The following HK1 variants were observed in gnomAD, a reference collection of about 807,000 sequenced individuals.
HK1 encodes the protein hexokinase-1.
A neutral mutation model predicts 91.6 loss-of-function variants in HK1; 28 were observed. The ratio of observed to expected loss-of-function variants is 0.31; its 90% confidence interval spans 0.23 to 0.42. The LOEUF (loss-of-function observed/expected upper bound fraction) is 0.42. Among genes scored for constraint, HK1 ranks in the 10% least tolerant of loss-of-function variants. HK1 has a pLI of 1.00. For synonymous variants in HK1, 430 were observed against 468.1 expected, an observed-to-expected ratio of 0.92 and a Z score of 1.05; for missense variants, 770 against 1,219.8, an observed-to-expected ratio of 0.63 and a Z score of 5.49.
At chr10:69,328,525 C>G (rs181006060) in intron 1 of HK1, among the ~76,000 whole-genome samples, 6 of 152,334 alleles carry the variant, frequency 3.9e-5, no homozygotes, top group Admixed American at 2.6e-4. Context: ...ATCCCCACAA[C>G]GCCCTTGTGA....
intron 5 of HK1, among the ~76,000 whole-genome samples, chr10:69,302,678 C>T (rs1437696399): frequency 1.3e-5 from 2 of 150,238 alleles, no homozygotes; most frequent in African/African-American, 4.9e-5. Context: ...TCACTTGGGC[C>T]CTGGAAGGTC....
Position 69,344,636 on chromosome 10 carries a change from G to A in HK1, c.226+647G>A, listed in dbSNP as rs115613757. 9.8e-5 allele frequency among the ~76,000 whole-genome samples: 15 copies of A among 152,330 alleles called. No homozygotes were observed. The South Asian group carries it at 3.1e-3, about 32-fold the overall frequency. On this transcript the variant is annotated intron_variant, in intron 2 of 17. Coordinates refer to ENST00000359426, the MANE Select transcript of HK1 (RefSeq NM_000188.3). ...GCTCATACCCTGCAGTGGGGCGTTG[G>A]GGGAGGGCCCCCTGAGGATTGTCTG... is the stretch of plus-strand genomic sequence containing the variant.
chr10:69,360,384 T>C (rs1189392931), intron 3 of HK1, among the ~76,000 whole-genome samples: 4 of 152,094 alleles, frequency 2.6e-5, no homozygotes, highest in Admixed American at 2.6e-4. Flanking sequence ...CCAGTGCAGG[T>C]TTAGCAGAGC....
Position 69,306,283 on chromosome 10 carries a change from G to T in HK1, c.27+5422G>T, listed in dbSNP as rs575492969. ...TGAGGCAGGAGAATGGTGTGAATCC[G>T]GGAGGTGGAGCTTGCAGTGAGCTGA... On this transcript the variant is annotated intron_variant, in intron 5 of 21. Transcript: ENST00000360289. Among the ~76,000 whole-genome samples the T allele has an allele frequency of 1.7e-4, 26 of 152,166 alleles. 1 individual carries two copies. In the South Asian group the frequency reaches 3.7e-3, roughly 22 times the overall value.
intron 15 of HK1, 123 bp downstream of exon 15, chr10:69,392,431 G>A (rs1301960766): frequency 1.9e-5 from 19 of 1,022,462 alleles, no homozygotes; most frequent in Non-Finnish European, 7.5e-6. Context: ...TTCAAGACTG[G>A]ACCCCCTGGC....
intron 3 of HK1, among the ~76,000 whole-genome samples, chr10:69,293,868 T>A (rs1845413924): frequency 6.9e-6 from 1 of 145,858 alleles, no homozygotes; most frequent in Non-Finnish European, 1.5e-5. Flanking sequence ...TTTTTTTTTT[T>A]TTTTTTTTTT....
At chr10:69,323,017 G>T (rs184981622) in intron 1 of HK1, among the ~76,000 whole-genome samples, 2 of 152,280 alleles carry the variant, frequency 1.3e-5, no homozygotes, top group Admixed American at 1.3e-4. Flanking sequence ...GGAGGCTGAG[G>T]CAGGTGAATC....
At chr10:69,292,819 G>C (rs562349178) in intron 3 of HK1, among the ~76,000 whole-genome samples, 23 of 152,266 alleles carry the variant, frequency 1.5e-4, no homozygotes, top group Non-Finnish European at 2.6e-4. Flanking sequence ...TCTCCAAGTT[G>C]AGAGCAGAGT....
At chr10:69,377,479 CACCTCCCACTTCCAGTCTGGAG>C (rs1839175971) in intron 8 of HK1, among the ~76,000 whole-genome samples, 1 of 151,862 alleles carries the variant, frequency 6.6e-6, no homozygotes, top group African/African-American at 2.4e-5. Flanking sequence ...TTTGGAATTC[CACCTCCCACTTCCAGTCTGGAG>C]ACCTCCAGAC....
intron 2 of HK1, among the ~76,000 whole-genome samples, chr10:69,351,547 A>T (rs1027140261): frequency 1.3e-5 from 2 of 151,990 alleles, no homozygotes; most frequent in Admixed American, 6.6e-5. Flanking sequence ...AAAACAAAAA[A>T]ACCCAAAGCT....
At chr10:69,312,361 T>G (rs960317654), upstream of HK1, among the ~76,000 whole-genome samples, 1 of 152,084 alleles carries the variant, frequency 6.6e-6, no homozygotes, top group East Asian at 1.9e-4. Context: ...CTAAGCCTCC[T>G]GAGTAGCTGG....
chr10:69,390,385 TACTTCATAGC>T (rs1322092816), intron 14 of HK1, among the ~76,000 whole-genome samples: 1 of 13,888 alleles, frequency 7.2e-5, no homozygotes, highest in African/African-American at 4.7e-4. Context: ...ATTTCATAGC[TACTTCATAGC>T]TACTTTTTCT....
rs1325606143 is a variant in HK1 at position 69,377,142 on chromosome 10, A to C, written c.1031+53A>C. On this transcript the variant is annotated intron_variant, in intron 8 of 17. Coordinates refer to ENST00000359426, the MANE Select transcript of HK1 (RefSeq NM_000188.3). ...TGGGGTGTTGGGGCAGAGAAGAGCA[A>C]TTGGTCCCTTGTTACTTCTTGAGTC... 3 of 1,604,956 alleles carry C rather than the reference A, an allele frequency of 1.9e-6. No homozygotes were observed. The African/African-American group carries it at 4.0e-5, about 21-fold the overall frequency.
At position 69,276,118 on chromosome 10, in the gene HK1, A is replaced by AAATATATATATATATAT; in HGVS notation, c.-391+6011_-391+6012insATATATATATATATATA. Among the ~76,000 whole-genome samples the AAATATATATATATATAT allele has an allele frequency of 1.9e-3, 71 of 38,254 alleles. 9 individuals carry two copies. Among genetic ancestry groups the AAATATATATATATATAT allele is most frequent in the Non-Finnish European group, 2.7e-3 (53 of 19,624 alleles). The allele number at this position is 38,254 out of a possible 152,430, so 25.1% of individuals were successfully genotyped here. A position where few individuals can be genotyped will look rare whatever the true frequency, so the allele number is the denominator to read the frequency against. On this transcript the variant is annotated intron_variant, in intron 1 of 21. Transcript: ENST00000360289. ...AAAAAAAAAAAAAAAAAAAAAAAAA[A>AAATATATATATATATAT]ATACATATATATATATATATACACA...
intron 2 of HK1, among the ~76,000 whole-genome samples, chr10:69,354,850 C>A (rs1008284409): frequency 1.3e-4 from 20 of 152,142 alleles, no homozygotes; most frequent in African/African-American, 4.1e-4. Context: ...GGTGGATCAC[C>A]TGTGGTCAGG....
chr10:69,383,432 G>A (rs1233804401), intron 10 of HK1, among the ~76,000 whole-genome samples: 1 of 152,232 alleles, frequency 6.6e-6, no homozygotes, highest in Non-Finnish European at 1.5e-5. Context: ...AATCTGAAGA[G>A]CTTTTCAGGT....
At chr10:69,384,724 C>T (rs995554793) in intron 11 of HK1, 72 bp from the exon 12 acceptor site, 32 of 1,599,826 alleles carry the variant, frequency 2.0e-5, no homozygotes, top group Admixed American at 3.3e-5. Context: ...TGTGTATACA[C>T]ACTTTGGTCC....
chr10:69,355,732 C>T (rs7067730), intron 2 of HK1, among the ~76,000 whole-genome samples: 37,567 of 152,032 alleles, frequency 0.25, 5,479 homozygotes, highest in South Asian at 0.33. Context: ...GTGGAGGTTG[C>T]AGTGAGCCGA....
At chr10:69,390,452 T>C (rs374837671) in intron 14 of HK1, among the ~76,000 whole-genome samples, 4 of 152,242 alleles carry the variant, frequency 2.6e-5, no homozygotes, top group Admixed American at 1.3e-4. Context: ...ATAGGCAAGA[T>C]GTATGGTTTC....
Sources: gnomAD v4.1 joint callset for allele counts (sites outside exome capture counted in the v4.1 genomes callset) on GRCh38, gnomAD v4.1.1 for gene constraint, MANE v1.5 for transcripts, NCBI Gene and HGNC (gene_info 2026-07-23, HGNC 2026-07-21) for gene names.